Variants in PPP2R2B observed in about 807,000 individuals in gnomAD.
The protein encoded by PPP2R2B is serine/threonine-protein phosphatase 2A 55 kDa regulatory subunit B beta isoform.
In PPP2R2B, 5 loss-of-function variants were observed where a neutral mutation model predicts 46.0. The ratio of observed to expected loss-of-function variants is 0.11; its 90% CI spans 0.06 to 0.23. PPP2R2B has a LOEUF of 0.23. PPP2R2B is among the 10% of genes least tolerant of loss of function. The pLI, the probability that PPP2R2B is intolerant of heterozygous loss-of-function variation, is 1.00. For synonymous variants in PPP2R2B, 215 were observed against 206.7 expected (o/e 1.04, Z -0.34); for missense variants, 367 against 575.0 (o/e 0.64, Z 3.70).
At chr5:146,842,483 T>A (rs1452617244) in intron 2 of PPP2R2B, among the ~76,000 whole-genome samples, 1 of 130,138 alleles carries the variant, frequency 7.7e-6, no homozygotes, top group Non-Finnish European at 1.7e-5. Flanking sequence ...TCCATGCCCT[T>A]TTTTTTTTTT....
At position 146,589,432 on chromosome 5, in the gene PPP2R2B, G is replaced by A. The variant is rs1211672086; in HGVS notation, c.*515C>T. On this transcript the variant is annotated 3_prime_UTR_variant, in exon 10 of 10. Coordinates refer to ENST00000394411, the MANE Select transcript of PPP2R2B (RefSeq NM_181675.4). ...AAATGAAATTGTTCAAAGGAAAATGGAAAATGGAAAAAAAAATGGTGGAGG... is the reference window on the plus strand; with the variant it reads ...AAATGAAATTGTTCAAAGGAAAATGAAAAATGGAAAAAAAAATGGTGGAGG... The A allele has an allele frequency of 2.6e-5, 4 of 153,604 alleles. No individual in the cohort carries two copies. The highest frequency in any genetic ancestry group is 9.7e-5 in the African/African-American group (4 of 41,348). The allele number at this position is 153,604 out of a possible 1,614,324, so 9.5% of individuals were successfully genotyped here.
intron 2 of PPP2R2B, among the ~76,000 whole-genome samples, chr5:146,801,119 C>T (rs908609663): frequency 6.6e-6 from 1 of 151,908 alleles, no homozygotes; most frequent in South Asian, 2.1e-4. Context: ...TATGTGGAAT[C>T]TAAAATAGCT....
At chr5:146,817,027 T>A (rs535115686) in intron 2 of PPP2R2B, among the ~76,000 whole-genome samples, 1 of 152,322 alleles carries the variant, frequency 6.6e-6, no homozygotes, top group East Asian at 1.9e-4. Context: ...CCTGGAGGCT[T>A]GTTGTGATGA....
chr5:146,789,320 C>T (rs956165443), intron 2 of PPP2R2B, among the ~76,000 whole-genome samples: 1 of 152,114 alleles, frequency 6.6e-6, no homozygotes, highest in Non-Finnish European at 1.5e-5. Context: ...CTTTCAGTCT[C>T]TCCATAAAAC....
chr5:146,827,992 C>G (rs981063432), intron 2 of PPP2R2B, among the ~76,000 whole-genome samples: 32 of 144,282 alleles, frequency 2.2e-4, no homozygotes, highest in Non-Finnish European at 4.5e-4. Context: ...TCTCCATGGC[C>G]TAGTTGAAGA....
chr5:146,991,852 T>A (rs749533182), intron 1 of PPP2R2B, among the ~76,000 whole-genome samples: 1 of 152,026 alleles, frequency 6.6e-6, no homozygotes, highest in Non-Finnish European at 1.5e-5. Context: ...CTACAAAATA[T>A]TGATAAAATA....
intron 1 of PPP2R2B, among the ~76,000 whole-genome samples, chr5:146,931,468 C>T (rs1763967558): frequency 6.6e-6 from 1 of 152,090 alleles, no homozygotes; most frequent in Non-Finnish European, 1.5e-5. Flanking sequence ...CAACTTAACC[C>T]CAGTCAAGGG....
chr5:146,962,266 G>C (rs1752203799), intron 1 of PPP2R2B, among the ~76,000 whole-genome samples: 1 of 150,494 alleles, frequency 6.6e-6, no homozygotes, highest in African/African-American at 2.5e-5. Context: ...CCTCCTCTTT[G>C]CTTCCAATGT....
intron 2 of PPP2R2B, among the ~76,000 whole-genome samples, chr5:146,858,618 G>A (rs972031135): frequency 4.6e-5 from 7 of 152,138 alleles, no homozygotes; most frequent in East Asian, 1.9e-4. Context: ...TAGTAAATTA[G>A]TGACTAGTTT....
At chr5:146,933,338 A>G (rs1361647679) in intron 1 of PPP2R2B, among the ~76,000 whole-genome samples, 2 of 152,162 alleles carry the variant, frequency 1.3e-5, no homozygotes, top group Non-Finnish European at 2.9e-5. Flanking sequence ...GTCTGTATCC[A>G]GGGAACCCAA....
intron 1 of PPP2R2B, among the ~76,000 whole-genome samples, chr5:147,032,326 G>A (rs536436190): frequency 2.5e-4 from 38 of 152,266 alleles, no homozygotes; most frequent in Non-Finnish European, 4.9e-4. Context: ...TCAGAGAAAT[G>A]CAAATCAAGA....
chr5:146,870,378 GA>G, intron 2 of PPP2R2B, among the ~76,000 whole-genome samples: 1 of 151,024 alleles, frequency 6.6e-6, no homozygotes. Context: ...CTTGCAAGAA[GA>G]AAAAAAAATG....
intron 1 of PPP2R2B, among the ~76,000 whole-genome samples, chr5:146,983,476 G>A (rs1285621584): frequency 3.3e-5 from 5 of 152,024 alleles, no homozygotes; most frequent in East Asian, 3.9e-4. Flanking sequence ...CACTGCACCC[G>A]GCCCAGAGCG....
At chr5:147,060,048 T>A (rs575451002), upstream of PPP2R2B, among the ~76,000 whole-genome samples, 179 of 152,250 alleles carry the variant, frequency 1.2e-3, no homozygotes, top group African/African-American at 3.6e-3. Context: ...GAAAAAAAAA[T>A]TAGCTTATTT....
chr5:146,931,601 G>A (rs1315658894), intron 1 of PPP2R2B, among the ~76,000 whole-genome samples: 2 of 152,010 alleles, frequency 1.3e-5, no homozygotes. Flanking sequence ...AACTCTAGTC[G>A]AGGGTAAACA....
intron 5 of PPP2R2B, among the ~76,000 whole-genome samples, chr5:146,672,922 G>T (rs1303570810): frequency 2.0e-5 from 3 of 152,200 alleles, no homozygotes; most frequent in Non-Finnish European, 2.9e-5. Context: ...GATAAACCCA[G>T]ATCCTGAGAT....
chr5:146,929,776 T>C (rs1166611718), intron 1 of PPP2R2B, among the ~76,000 whole-genome samples: 1 of 152,198 alleles, frequency 6.6e-6, no homozygotes, highest in African/African-American at 2.4e-5. Flanking sequence ...CTAGGGTTTA[T>C]ATCTTGGCTT....
intron 1 of PPP2R2B, among the ~76,000 whole-genome samples, chr5:146,908,948 G>A (rs947397181): frequency 3.3e-5 from 5 of 152,090 alleles, no homozygotes; most frequent in Admixed American, 6.6e-5. Flanking sequence ...TTACAGGGGT[G>A]GGCCCTGGAG....
chr5:146,786,521 C>G (rs1028257371), intron 2 of PPP2R2B, among the ~76,000 whole-genome samples: 1 of 152,218 alleles, frequency 6.6e-6, no homozygotes, highest in African/African-American at 2.4e-5. Flanking sequence ...CCAACTATCA[C>G]TGAAGTGCTG....
Sources: gnomAD v4.1 joint callset for allele counts (sites outside exome capture counted in the v4.1 genomes callset) on GRCh38, gnomAD v4.1.1 for gene constraint, MANE v1.5 for transcripts, NCBI Gene and HGNC (gene_info 2026-07-23, HGNC 2026-07-21) for gene names.